Variants in UFL1 observed in about 807,000 individuals in gnomAD.
The protein encoded by UFL1 is E3 UFM1-protein ligase 1.
UFL1 carries 78 observed loss-of-function variants against 99.3 expected under a neutral mutation model. The observed-to-expected ratio is 0.79, with a 90% CI of 0.65 to 0.95. The LOEUF is 0.95. UFL1 is among the 40% of genes least tolerant of loss of function. The pLI, the probability that UFL1 is intolerant of heterozygous loss-of-function variation, is 0.00. For missense variants in UFL1, 936 were observed against 937.0 expected (o/e 1.00, Z 0.01); for synonymous variants, 335 against 322.2 (o/e 1.04, Z -0.42).
chr6:96,527,075 A>C (rs931197121), intron 5 of UFL1, among the ~76,000 whole-genome samples: 13 of 152,182 alleles, frequency 8.5e-5, no homozygotes, highest in Non-Finnish European at 1.6e-4. Flanking sequence ...CAAATATCTT[A>C]TGTGTGATAA....
chr6:96,547,716 A>G (rs1388365756), intron 12 of UFL1, among the ~76,000 whole-genome samples: 1 of 151,592 alleles, frequency 6.6e-6, no homozygotes, highest in Non-Finnish European at 1.5e-5. Context: ...ACTCAGAAAC[A>G]AAACAAAATA....
In UFL1 at chr6:96,552,539, C is replaced by T; in HGVS notation, c.2043C>T (p.Asp681=). 2.5e-6 allele frequency: 4 copies of T among 1,612,052 alleles called. No individual in the cohort carries two copies. The highest frequency in any genetic ancestry group is 3.4e-6 in the Non-Finnish European group (4 of 1,179,328). ...ALAEQLKVTE[D]PALILHLTSV... The stretch of plus-strand genomic sequence containing the variant: ...CTGAACAGCTAAAGGTCACAGAAGA[C>T]CCTGCTCTTATTCTGCACCTCACAT... The change falls in exon 18 of 19, where the codon GAC becomes GAT. Residue 681 remains aspartate, a synonymous_variant. Coordinates refer to ENST00000369278, the MANE Select transcript of UFL1 (RefSeq NM_015323.5).
chr6:96,536,220 G>A, intron 7 of UFL1, 24 bp from the exon 8 acceptor site: 3 of 1,597,600 alleles, frequency 1.9e-6, no homozygotes, highest in Non-Finnish European at 2.6e-6. Context: ...TGATTTATTT[G>A]TATTCATGTG....
chr6:96,528,718 G>T (rs1408333157), intron 6 of UFL1, 86 bp downstream of exon 6: 2 of 1,433,782 alleles, frequency 1.4e-6, no homozygotes, highest in Admixed American at 4.9e-5. Flanking sequence ...CTTTTTCTTT[G>T]TTTTAATAAA....
Position 96,525,370 on chromosome 6 carries a change from T to A in UFL1, c.326T>A (p.Leu109Ter). The change falls in exon 4 of 19, where the codon TTA becomes TAA. Residue 109 changes from leucine (L) to a stop codon, truncating the protein, a stop_gained. Coordinates refer to ENST00000369278, the MANE Select transcript of UFL1 (RefSeq NM_015323.5). LOFTEE classifies it high-confidence loss of function. ...DIIKSEKHVQLVLGQLIDENY... is the reference protein window; with the variant it reads ...DIIKSEKHVQ ...ATTAAATCAGAAAAGCATGTTCAGT[T>A]AGTGTTGGGACAACTGATAGATGAG... 6.2e-7 allele frequency: 1 copy of A among 1,610,402 alleles called. No homozygotes were observed. The highest frequency in any genetic ancestry group is 1.7e-5 in the Admixed American group (1 of 59,426).
chr6:96,550,978 A>C (rs572786819), intron 15 of UFL1, among the ~76,000 whole-genome samples: 1 of 152,084 alleles, frequency 6.6e-6, no homozygotes, highest in South Asian at 2.1e-4. Flanking sequence ...GGACACTTAC[A>C]TGTAGAGAGA....
intron 12 of UFL1, among the ~76,000 whole-genome samples, chr6:96,546,923 T>C (rs1404717569): frequency 2.6e-5 from 4 of 151,606 alleles, no homozygotes; most frequent in Non-Finnish European, 4.4e-5. Context: ...CTTCTGGACA[T>C]TGGCCTAGGC....
At chr6:96,526,473 C>T in intron 5 of UFL1, 38 bp downstream of exon 5, 1 of 1,532,986 alleles carries the variant, frequency 6.5e-7, no homozygotes, top group Non-Finnish European at 8.9e-7. Context: ...GTCTTTTTAC[C>T]AAAGGATTTT....
chr6:96,526,846 G>T (rs1391503331), intron 5 of UFL1, among the ~76,000 whole-genome samples: 1 of 152,090 alleles, frequency 6.6e-6, no homozygotes, highest in Non-Finnish European at 1.5e-5. Flanking sequence ...TAATTTATAG[G>T]GGGTACTACT....
In UFL1 at chr6:96,523,263, A is replaced by G. The variant is rs3811068; in HGVS notation, c.195A>G (p.Glu65=). ...TTACTCCAGCCCAAATTAGTAAAGA[A>G]ATGAGAGATGAGCTACATGTCCGAG... is the stretch of plus-strand genomic sequence containing the variant. ...EYITPAQISK[E]MRDELHVRGG... Residue 65 remains glutamate, a synonymous_variant, in exon 2 of 19, where the codon GAA becomes GAG. Coordinates refer to ENST00000369278, the MANE Select transcript of UFL1 (RefSeq NM_015323.5). The G allele has an allele frequency of 1.4e-3, 2,190 of 1,610,844 alleles. 32 individuals are homozygous for G. In the East Asian group the frequency reaches 0.038, roughly 28 times the overall value.
chr6:96,540,757 T>C, intron 11 of UFL1, 102 bp downstream of exon 11: 3 of 1,388,466 alleles, frequency 2.2e-6, no homozygotes, highest in Non-Finnish European at 2.9e-6. Context: ...CTTTGTTTTA[T>C]TGATTTACCT....
chr6:96,531,604 G>T (rs1425233290), intron 6 of UFL1, among the ~76,000 whole-genome samples: 1 of 152,178 alleles, frequency 6.6e-6, no homozygotes, highest in Non-Finnish European at 1.5e-5. Flanking sequence ...AAGAAACTGG[G>T]TAGCTGGGTG....
At chr6:96,529,596 T>C (rs965480210) in intron 6 of UFL1, among the ~76,000 whole-genome samples, 2 of 152,228 alleles carry the variant, frequency 1.3e-5, no homozygotes, top group African/African-American at 4.8e-5. Context: ...CATAACACTT[T>C]AGATTTCTTC....
intron 6 of UFL1, 116 bp from the exon 7 acceptor site, chr6:96,534,145 CTT>C (rs1769821240): frequency 3.2e-6 from 2 of 620,350 alleles, no homozygotes; most frequent in Non-Finnish European, 4.7e-6. Flanking sequence ...TAATTTTTGA[CTT>C]TATTTTTTCT....
chr6:96,551,586 T>A (rs1029541520), intron 16 of UFL1, 73 bp downstream of exon 16: 7 of 1,095,726 alleles, frequency 6.4e-6, no homozygotes, highest in African/African-American at 4.9e-5. Flanking sequence ...TAGATTTTTT[T>A]ATCAGAGTAA....
At position 96,554,129 on chromosome 6, in the gene UFL1, A is replaced by G. The variant is rs1378350115; in HGVS notation, c.*626A>G. On this transcript the variant is annotated 3_prime_UTR_variant, in exon 19 of 19. Coordinates refer to ENST00000369278, the MANE Select transcript of UFL1 (RefSeq NM_015323.5). ...GCAAGGATGCCTTTACAGGTGCACA[A>G]GAACGCTAGAGTGGCCCATGCATTG... 2 of 152,300 alleles carry G rather than the reference A, an allele frequency of 1.3e-5. No individual in the cohort carries two copies. The highest frequency in any genetic ancestry group is 4.8e-5 in the African/African-American group (2 of 41,458). The allele number at this position is 152,300 out of a possible 1,614,324, so 9.4% of individuals were successfully genotyped here.
At position 96,541,691 on chromosome 6, in the gene UFL1, TACTC is replaced by T. The variant is rs201580099; in HGVS notation, c.1279+1038_1279+1041del. ...TGAAGATATAGTTATAAATTTGCCTTACTCAATTGATGACTTATGTCAGTATAAC... is the reference window on the plus strand; with the variant it reads ...TGAAGATATAGTTATAAATTTGCCTTAATTGATGACTTATGTCAGTATAAC... On this transcript the variant is annotated intron_variant, in intron 11 of 18. Coordinates refer to ENST00000369278, the MANE Select transcript of UFL1 (RefSeq NM_015323.5). 4.0e-3 allele frequency among the ~76,000 whole-genome samples: 604 copies of T among 151,402 alleles called. 2 individuals are homozygous for T. Among genetic ancestry groups the T allele is most frequent in the African/African-American group, 0.011 (469 of 41,468 alleles).
At position 96,531,425 on chromosome 6, in the gene UFL1, T is replaced by A. The variant is rs191244210; in HGVS notation, c.596+2793T>A. On this transcript the variant is annotated intron_variant, in intron 6 of 18. Coordinates refer to ENST00000369278, the MANE Select transcript of UFL1 (RefSeq NM_015323.5). ...CTGACTAAGAAAAATCTAACTCCTA[T>A]TATCCTTAATGTATTTAGTTACTTG... Among the ~76,000 whole-genome samples the A allele has an allele frequency of 3.5e-3, 537 of 152,342 alleles. 4 individuals carry two copies. Among genetic ancestry groups the A allele is most frequent in the Middle Eastern group, 6.8e-3 (2 of 294 alleles).
At chr6:96,549,921 A>G in intron 15 of UFL1, 122 bp downstream of exon 15, 3 of 1,381,652 alleles carry the variant, frequency 2.2e-6, no homozygotes, top group Non-Finnish European at 2.9e-6. Flanking sequence ...TGAGGAAAAA[A>G]ATCTAAAAGT....
Sources: gnomAD v4.1 joint callset for allele counts (sites outside exome capture counted in the v4.1 genomes callset) on GRCh38, gnomAD v4.1.1 for gene constraint, MANE v1.5 for transcripts, NCBI Gene and HGNC (gene_info 2026-07-23, HGNC 2026-07-21) for gene names.